Variants in FRMPD4 observed in about 807,000 individuals in gnomAD.
The protein encoded by FRMPD4 is FERM and PDZ domain containing 4.
In FRMPD4, 22 loss-of-function variants were observed where a neutral mutation model predicts 94.1. The ratio of observed to expected loss-of-function variants is 0.23; its 90% CI spans 0.17 to 0.33. The LOEUF is 0.33. FRMPD4 is among the 10% of genes least tolerant of loss of function. FRMPD4 has a pLI of 1.00. For missense variants in FRMPD4, 1,111 were observed against 1,339.9 expected, an observed-to-expected ratio of 0.83 and a Z score of 2.67; for synonymous variants, 631 against 548.6, an observed-to-expected ratio of 1.15 and a Z score of -2.10.
chrX:12,300,612 A>T (rs1194165248), intron 1 of FRMPD4, among the ~76,000 whole-genome samples: 1 of 112,470 alleles, frequency 8.9e-6, no homozygotes, highest in African/African-American at 3.2e-5. Flanking sequence ...AAATGTGAGA[A>T]AAGAATGCAA....
At chrX:12,141,311 G>A (rs1156523856) in intron 1 of FRMPD4, among the ~76,000 whole-genome samples, 1 of 111,478 alleles carries the variant, frequency 9.0e-6, no homozygotes. Flanking sequence ...TGGGTACCTG[G>A]CCTTACCTTT....
chrX:12,075,143 T>A (rs1364135295), intron 3 of FRMPD4, among the ~76,000 whole-genome samples: 2 of 112,216 alleles, frequency 1.8e-5, no homozygotes, highest in African/African-American at 6.5e-5. Context: ...GCACAGAGGA[T>A]TTTTAGGGCA....
intron 2 of FRMPD4, among the ~76,000 whole-genome samples, chrX:12,546,177 C>CTT (rs11321204): frequency 1.1e-5 from 1 of 91,941 alleles, no homozygotes; most frequent in Non-Finnish European, 2.2e-5. Context: ...TGCCAACTGT[C>CTT]TTTTTTTTTT....
intron 1 of FRMPD4, among the ~76,000 whole-genome samples, chrX:12,417,993 C>CAAA (rs757060426): frequency 0.017 from 580 of 33,985 alleles, 23 homozygotes; most frequent in African/African-American, 0.05. Context: ...GACTCTGTCT[C>CAAA]AAAAAAAAAA....
At chrX:12,172,682 G>T (rs1004824606) in intron 1 of FRMPD4, among the ~76,000 whole-genome samples, 3 of 111,881 alleles carry the variant, frequency 2.7e-5, no homozygotes, top group Non-Finnish European at 5.6e-5. Context: ...GGAGTAGAAG[G>T]GAGAAAAGTC....
At chrX:12,609,906 G>T (rs767245044) in intron 3 of FRMPD4, 25 bp downstream of exon 3, 11 of 1,176,628 alleles carry the variant, frequency 9.3e-6, no homozygotes, top group Non-Finnish European at 1.2e-5. Context: ...CCAGTTCTTG[G>T]TTTCCTGGGA....
chrX:12,020,281 G>T (rs1245170921), intron 3 of FRMPD4, among the ~76,000 whole-genome samples: 3 of 112,426 alleles, frequency 2.7e-5, no homozygotes, highest in Non-Finnish European at 5.6e-5. Flanking sequence ...TGTTTAAGGT[G>T]ATGCAACCTA....
At chrX:11,912,501 G>A (rs1175978418) in intron 3 of FRMPD4, among the ~76,000 whole-genome samples, 1 of 111,815 alleles carries the variant, frequency 8.9e-6, no homozygotes, top group East Asian at 2.8e-4. Context: ...TTCCTCCAAG[G>A]ACAAAAATAT....
At chrX:11,981,237 T>G (rs1229602923) in intron 3 of FRMPD4, among the ~76,000 whole-genome samples, 1 of 112,262 alleles carries the variant, frequency 8.9e-6, no homozygotes, top group African/African-American at 3.2e-5. Flanking sequence ...AATTATGATA[T>G]TCAAGTTATC....
chrX:11,894,423 C>G (rs2053891372), intron 3 of FRMPD4, among the ~76,000 whole-genome samples: 1 of 112,492 alleles, frequency 8.9e-6, no homozygotes, highest in African/African-American at 3.2e-5. Flanking sequence ...TTATATTATA[C>G]TGGCTCTTGC....
chrX:12,158,540 T>C (rs2055972201), intron 1 of FRMPD4, among the ~76,000 whole-genome samples: 1 of 112,444 alleles, frequency 8.9e-6, no homozygotes, highest in African/African-American at 3.2e-5. Context: ...CCAGTGGTCC[T>C]TCTTGGAGCT....
chrX:12,117,810 T>C (rs949217047), intron 3 of FRMPD4, among the ~76,000 whole-genome samples: 2 of 111,912 alleles, frequency 1.8e-5, no homozygotes, highest in African/African-American at 3.2e-5. Flanking sequence ...TTTACATTTA[T>C]TTGCCAGACT....
intron 3 of FRMPD4, among the ~76,000 whole-genome samples, chrX:11,943,828 GT>G (rs1269925019): frequency 3.6e-5 from 4 of 111,755 alleles, no homozygotes. Context: ...CTACTTTCAG[GT>G]TTTTTCCCTT....
intron 1 of FRMPD4, among the ~76,000 whole-genome samples, chrX:11,842,345 G>A (rs1283220123): frequency 1.0e-5 from 1 of 99,417 alleles, no homozygotes; most frequent in African/African-American, 4.0e-5. Flanking sequence ...GGGCAGTATG[G>A]CCATTTTCAC....
intron 1 of FRMPD4, among the ~76,000 whole-genome samples, chrX:12,450,308 T>G (rs1243230084): frequency 9.0e-6 from 1 of 111,186 alleles, no homozygotes; most frequent in Non-Finnish European, 1.9e-5. Context: ...ATCTGTCCTA[T>G]TAAAAAAAAG....
At chrX:12,004,201 G>A (rs2054538824) in intron 3 of FRMPD4, among the ~76,000 whole-genome samples, 1 of 112,003 alleles carries the variant, frequency 8.9e-6, no homozygotes, top group Non-Finnish European at 1.9e-5. Flanking sequence ...GTATGTCTTG[G>A]TAGGAAAGAG....
intron 5 of FRMPD4, among the ~76,000 whole-genome samples, chrX:12,680,102 T>C (rs1209096531): frequency 1.8e-5 from 2 of 112,412 alleles, no homozygotes; most frequent in African/African-American, 6.5e-5. Flanking sequence ...ATCTTATTTC[T>C]GTAATTTTTT....
At chrX:12,085,405 A>G (rs2055100315) in intron 3 of FRMPD4, among the ~76,000 whole-genome samples, 1 of 111,592 alleles carries the variant, frequency 9.0e-6, no homozygotes, top group Non-Finnish European at 1.9e-5. Context: ...GCAGTGTCTC[A>G]TACCTATAGT....
At chrX:12,694,501 C>T (rs760696912) in intron 9 of FRMPD4, 47 bp downstream of exon 9, 1 of 1,020,980 alleles carries the variant, frequency 9.8e-7, no homozygotes, top group South Asian at 2.2e-5. Context: ...GTGATATAAA[C>T]TAACTCTGGG....
Sources: allele counts gnomAD v4.1 joint callset (sites outside exome capture counted in the v4.1 genomes callset), GRCh38; gene constraint gnomAD v4.1.1; transcripts MANE v1.5; gene names NCBI Gene and HGNC (gene_info 2026-07-23, HGNC 2026-07-21).